The following ZMYND8 variants were observed in gnomAD, a reference collection of about 807,000 sequenced individuals.
ZMYND8 encodes the protein zinc finger MYND-type containing 8, also known as MYND-type zinc finger-containing chromatin reader ZMYND8.
Under a neutral mutation model 140.8 loss-of-function variants are expected in ZMYND8, and 37 were observed. That is an observed-to-expected ratio of 0.26 (90% confidence interval 0.20 to 0.35). The LOEUF is 0.35. Among genes scored for constraint, ZMYND8 ranks in the 10% least tolerant of loss-of-function variants. The pLI is 1.00. For synonymous variants in ZMYND8, 592 were observed against 597.1 expected (o/e 0.99, Z 0.12); for missense variants, 1,068 against 1,570.0 (o/e 0.68, Z 5.40).
At chr20:47,291,643 A>C (rs2077271271) in intron 6 of ZMYND8, among the ~76,000 whole-genome samples, 153 bp downstream of exon 6, 1 of 152,238 alleles carries the variant, frequency 6.6e-6, no homozygotes, top group Admixed American at 6.5e-5. Context: ...GAGAATCAAG[A>C]GTTCTTCTAT....
chr20:47,343,192 A>C (rs977511502), intron 2 of ZMYND8, among the ~76,000 whole-genome samples: 1 of 152,092 alleles, frequency 6.6e-6, no homozygotes, highest in African/African-American at 2.4e-5. Flanking sequence ...GGCTGAGGCA[A>C]GAGGACTGCT....
chr20:47,352,275 T>C (rs1263523740), intron 1 of ZMYND8, among the ~76,000 whole-genome samples: 1 of 152,096 alleles, frequency 6.6e-6, no homozygotes, highest in African/African-American at 2.4e-5. Flanking sequence ...ACAGCAGGCA[T>C]CTGAAAAGCC....
chr20:47,285,519 C>T (rs1465838137), intron 8 of ZMYND8, among the ~76,000 whole-genome samples: 5 of 152,162 alleles, frequency 3.3e-5, no homozygotes, highest in South Asian at 2.1e-4. Flanking sequence ...TTACAGATCA[C>T]ATCGTTGGGG....
intron 2 of ZMYND8, chr20:47,318,699 G>A (rs1390290265): frequency 4.4e-6 from 2 of 456,756 alleles, no homozygotes; most frequent in African/African-American, 2.0e-5. Context: ...GCTGACTTGG[G>A]CCTGCCAGAG....
chr20:47,317,514 G>A (rs775316421), intron 2 of ZMYND8, among the ~76,000 whole-genome samples: 8 of 152,280 alleles, frequency 5.3e-5, no homozygotes, highest in Non-Finnish European at 7.4e-5. Flanking sequence ...GGAAAGGGCC[G>A]CAGCTGAAAG....
At chr20:47,314,797 G>A (rs991109231) in intron 2 of ZMYND8, among the ~76,000 whole-genome samples, 2 of 152,206 alleles carry the variant, frequency 1.3e-5, no homozygotes, top group Admixed American at 6.5e-5. Context: ...AGGGAGTCAG[G>A]CTGGAGAATG....
At chr20:47,287,837 AAC>A (rs757119050) in intron 7 of ZMYND8, among the ~76,000 whole-genome samples, 9 of 89,860 alleles carry the variant, frequency 1.0e-4, no homozygotes, top group South Asian at 3.6e-4. Context: ...AGAAAAAAAC[AAC>A]ACACACACAC....
At position 47,239,100 on chromosome 20, in the gene ZMYND8, G is replaced by C. The variant is rs772889505; in HGVS notation, c.2323C>G (p.His775Asp). 9.2e-6 allele frequency: 14 copies of C among 1,518,702 alleles called. No individual in the cohort carries two copies. Among genetic ancestry groups the C allele is most frequent in the Non-Finnish European group, 1.1e-5 (12 of 1,136,700 alleles). The allele number at this position is 1,518,702 out of a possible 1,614,324, so 94.1% of individuals were successfully genotyped here. ...AGCACCGGTGTTTCCGGGGGAGAAT[G>C]GCTGCCCACCGTCGTGGATGGTGGA... Reference protein sequence around the residue: ...KTPPSTTVGSHSPPETPVLTR... With the variant: ...KTPPSTTVGSDSPPETPVLTR... The change falls in exon 15 of 23, where the codon CAT (histidine) becomes GAT (aspartate). Residue 775 changes from histidine to aspartate, a missense_variant. This residue lies in a region of ZMYND8 where 383 missense variants were observed against 431.2 expected (regional missense o/e 0.89). Transcript: ENST00000471951.
chr20:47,264,205 C>T (rs73910811), intron 11 of ZMYND8, among the ~76,000 whole-genome samples: 17,034 of 152,244 alleles, frequency 0.11, 1,083 homozygotes, highest in South Asian at 0.27. Flanking sequence ...GGATCAATGT[C>T]GTCGATCTAT....
intron 2 of ZMYND8, among the ~76,000 whole-genome samples, chr20:47,343,956 T>C (rs924503723): frequency 4.5e-5 from 6 of 134,370 alleles, no homozygotes; most frequent in Admixed American, 2.1e-4. Context: ...CAGTGATAAA[T>C]CTTTTTTTTT....
At chr20:47,245,371 C>T (rs572612157) in intron 14 of ZMYND8, among the ~76,000 whole-genome samples, 6 of 152,188 alleles carry the variant, frequency 3.9e-5, no homozygotes, top group South Asian at 2.1e-4. Context: ...CTCCGCCTCA[C>T]GAGTAGCTGG....
In ZMYND8 at chr20:47,221,299, T is replaced by A; in HGVS notation, c.3417+15A>T. 3 of 1,613,200 alleles carry A rather than the reference T, an allele frequency of 1.9e-6. No individual in the cohort carries two copies. In the South Asian group the frequency reaches 3.3e-5, roughly 18 times the overall value. The stretch of plus-strand genomic sequence containing the variant: ...GGGTAGATGTCACTAGCCAAAGGCA[T>A]GGGGGGATCCTCACCGAGCCACTCT... On this transcript the variant is annotated intron_variant, in intron 20 of 22. Transcript: ENST00000471951.
Position 47,246,477 on chromosome 20 carries a change from C to T in ZMYND8, c.1815G>A (p.Glu605=), listed in dbSNP as rs747078582. ...EISEDVYTAV[E]HSDSEDSEKS... ...TCTCAGAATCCTCCGAATCGCTGTG[C>T]TCTACGGCCGTATAGACATCTTCCG... Residue 605 remains glutamate, a synonymous_variant, in exon 14 of 23, where the codon GAG becomes GAA. Transcript: ENST00000471951. The T allele has an allele frequency of 7.4e-6, 12 of 1,612,424 alleles. No individual in the cohort carries two copies. The highest frequency in any genetic ancestry group is 9.3e-6 in the Non-Finnish European group (11 of 1,179,770).
intron 3 of ZMYND8, among the ~76,000 whole-genome samples, chr20:47,299,996 A>T (rs1181754685): frequency 1.3e-5 from 2 of 152,214 alleles, no homozygotes; most frequent in Non-Finnish European, 2.9e-5. Context: ...CTAGGGAGAC[A>T]TATCTCTTAT....
chr20:47,215,378 CTAA>C lies in ZMYND8; in HGVS notation c.3485-2656_3485-2654del, dbSNP rs150425292. Among the ~76,000 whole-genome samples, 942 of 151,642 alleles carry C rather than the reference CTAA, an allele frequency of 6.2e-3. 6 individuals carry two copies. The highest frequency in any genetic ancestry group is 0.01 in the Non-Finnish European group (683 of 67,922). ...ACAGTGCAAGACTCCATCTCAAATA[CTAA>C]TAATAATAATAATAAATGTCCATGA... is the stretch of plus-strand genomic sequence containing the variant. On this transcript the variant is annotated intron_variant, in intron 21 of 22. Transcript: ENST00000471951.
chr20:47,285,315 GACTA>G (rs1302899969), intron 8 of ZMYND8, among the ~76,000 whole-genome samples: 1 of 152,148 alleles, frequency 6.6e-6, no homozygotes, highest in African/African-American at 2.4e-5. Context: ...ATAATTATAA[GACTA>G]ACAGATTTCA....
chr20:47,348,086 G>A (rs2082479402), intron 1 of ZMYND8, 160 bp from the exon 2 acceptor site: 2 of 718,598 alleles, frequency 2.8e-6, no homozygotes, highest in Non-Finnish European at 4.9e-6. Context: ...AACAAAGTGT[G>A]AAGAGTCCTA....
intron 2 of ZMYND8, among the ~76,000 whole-genome samples, chr20:47,317,657 G>A (rs1232557898): frequency 5.3e-5 from 8 of 152,218 alleles, no homozygotes. Flanking sequence ...CAGGAGTAGG[G>A]CAACCAACCA....
chr20:47,240,405 T>C (rs1329788262), intron 14 of ZMYND8, among the ~76,000 whole-genome samples: 1 of 150,112 alleles, frequency 6.7e-6, no homozygotes, highest in Non-Finnish European at 1.5e-5. Flanking sequence ...TCCCAGCTAC[T>C]CAAGAGGCTG....
Sources: allele counts gnomAD v4.1 joint callset (sites outside exome capture counted in the v4.1 genomes callset), GRCh38; gene constraint gnomAD v4.1.1; regional missense constraint gnomAD v4.1.1; transcripts MANE v1.5; gene names NCBI Gene and HGNC (gene_info 2026-07-23, HGNC 2026-07-21).